The following MUC3A variants were observed in gnomAD, a reference collection of about 807,000 sequenced individuals.
MUC3A encodes mucin 3A, cell surface associated, also known as mucin-3A.
A neutral mutation model predicts 109.0 loss-of-function variants in MUC3A; 109 were observed. The observed-to-expected ratio is 1.00, with a 90% CI of 0.86 to 1.17. The LOEUF is 1.17. Among genes scored for constraint, MUC3A ranks in the 50% most tolerant of loss-of-function variants. MUC3A has a pLI of 0.00. For synonymous variants in MUC3A, 1,398 were observed against 981.4 expected (o/e 1.42, Z -7.93); for missense variants, 3,537 against 2,469.4 (o/e 1.43, Z -9.16).
Position 100,966,730 on chromosome 7 carries a change from G to A in MUC3A, c.9864G>A (p.Glu3288=), listed in dbSNP as rs587613170. 15 of 1,598,542 alleles carry A rather than the reference G, an allele frequency of 9.4e-6. No individual in the cohort carries two copies. Among genetic ancestry groups the A allele is most frequent in the East Asian group, 2.2e-5 (1 of 44,890 alleles). Residue 3288 remains glutamate, a synonymous_variant, in exon 10 of 12, where the codon GAG becomes GAA. Transcript: ENST00000379458. The stretch of plus-strand genomic sequence containing the variant: ...GCACTTTTTCAAACTGGGGTTTCGA[G>A]GACGACGGAACAGGTGAGTCCTGCC... ...VVGTFSNWGF[E]DDGTDKDTNF... is the part of the protein sequence containing the mutation.
chr7:100,952,935 A>G lies in MUC3A; in HGVS notation c.1156A>G (p.Asn386Asp). 1 of 1,593,586 alleles carries G rather than the reference A, an allele frequency of 6.3e-7. No homozygotes were observed. Among genetic ancestry groups the G allele is most frequent in the Non-Finnish European group, 8.5e-7 (1 of 1,177,530 alleles). ...TTETATTPMT[N>D]LVTTTTEISS... ...AGAAACAGCCACGACTCCTATGACAAACTTGGTAACCACCACCACTGAGAT... is the reference window on the plus strand; with the variant it reads ...AGAAACAGCCACGACTCCTATGACAGACTTGGTAACCACCACCACTGAGAT... Residue 386 changes from asparagine to aspartate, a missense_variant, in exon 2 of 12, where the codon AAC becomes GAC. Physicochemically the swap from Asn to Asp is conservative, Grantham distance 23 (BLOSUM62 1). Transcript: ENST00000379458.
chr7:100,965,637 G>T (rs74929976), intron 7 of MUC3A, 67 bp from the exon 8 acceptor site: 1 of 1,533,758 alleles, frequency 6.5e-7, no homozygotes, highest in African/African-American at 1.4e-5. Context: ...CAGAGGCACC[G>T]TTATCAGGCC....
At position 100,952,744 on chromosome 7, in the gene MUC3A, C is replaced by G; in HGVS notation, c.965C>G (p.Pro322Arg). 6.3e-7 allele frequency: 1 copy of G among 1,583,794 alleles called. No individual in the cohort carries two copies. The highest frequency in any genetic ancestry group is 8.5e-7 in the Non-Finnish European group (1 of 1,172,566). The change falls in exon 2 of 12, where the codon CCC becomes CGC. Residue 322 changes from proline (P) to arginine (R), a missense_variant. Physicochemically the swap from Pro to Arg is moderately radical, Grantham distance 103. Transcript: ENST00000379458. ...CTATCCACCTTGGTGACCACACTCC[C>G]CACTACCATCAGCAGGTCTACACCT... ...TPLSTLVTTL[P>R]TTISRSTPTS...
At chr7:100,962,227 G>A (rs1405131065) in intron 3 of MUC3A, among the ~76,000 whole-genome samples, 1 of 3,832 alleles carries the variant, frequency 2.6e-4, no homozygotes, top group Non-Finnish European at 5.4e-4. Context: ...GCGAGACTCC[G>A]TCTCAAAAAA....
rs1420223901 is a variant in MUC3A at position 100,967,462 on chromosome 7, G to A, written c.*300G>A. 5.2e-6 allele frequency: 3 copies of A among 577,866 alleles called. No individual in the cohort carries two copies. Among genetic ancestry groups the A allele is most frequent in the Non-Finnish European group, 9.2e-6 (3 of 325,650 alleles). The allele number at this position is 577,866 out of a possible 1,614,324, so 35.8% of individuals were successfully genotyped here. On this transcript the variant is annotated 3_prime_UTR_variant, in exon 12 of 12. Transcript: ENST00000379458. ...TTCCTGTATGATAGCTCACGCCGTT[G>A]TTGTGAAAACCACATAGACTTGGTC...
In MUC3A at chr7:100,960,217, T is replaced by C. The variant is rs1184013521; in HGVS notation, c.8438T>C (p.Val2813Ala). The change falls in exon 2 of 12, where the codon GTC (valine) becomes GCC (alanine). Residue 2813 changes from valine to alanine, a missense_variant. Physicochemically the swap from Val to Ala is moderately conservative, Grantham distance 64. Coordinates refer to ENST00000379458, the MANE Select transcript of MUC3A (RefSeq NM_005960.2). ...LTVFPFTTEMVTCPTSISIQT... is the reference protein window; with the variant it reads ...LTVFPFTTEMATCPTSISIQT... ...GTCTTTCCCTTTACTACCGAAATGG[T>C]CACCTGTCCTACCTCCATCAGTATC... The C allele has an allele frequency of 1.9e-6, 3 of 1,596,348 alleles. No homozygotes were observed. Among genetic ancestry groups the C allele is most frequent in the Admixed American group, 1.7e-5 (1 of 59,974 alleles).
At position 100,966,086 on chromosome 7, in the gene MUC3A, AG is replaced by A. The variant is rs1584813360; in HGVS notation, c.9611+221del. The stretch of plus-strand genomic sequence containing the variant: ...GAGTCCTGTCCCCTAATTCTGGGAG[AG>A]AACCCCGCCCACTCATTCTAGGGTG... On this transcript the variant is annotated intron_variant, in intron 8 of 11. Transcript: ENST00000379458. 3 of 449,866 alleles carry A rather than the reference AG, an allele frequency of 6.7e-6. No individual in the cohort carries two copies. In the East Asian group the frequency reaches 1.2e-4, roughly 18 times the overall value. The allele number at this position is 449,866 out of a possible 1,614,324, so 27.9% of individuals were successfully genotyped here. A position where few individuals can be genotyped will look rare whatever the true frequency, so the allele number is the denominator to read the frequency against.
chr7:100,962,498 A>G (rs143840653), intron 3 of MUC3A, among the ~76,000 whole-genome samples: 2,550 of 147,988 alleles, frequency 0.017, no homozygotes, highest in Middle Eastern at 0.04. Flanking sequence ...AGTATAGCAT[A>G]GTCACAGTTC....
In MUC3A at chr7:100,959,313, A is replaced by T; in HGVS notation, c.7534A>T (p.Ile2512Leu). 1 of 1,571,022 alleles carries T rather than the reference A, an allele frequency of 6.4e-7. No individual in the cohort carries two copies. The highest frequency in any genetic ancestry group is 8.6e-7 in the Non-Finnish European group (1 of 1,165,892). ...GACTACAACCACAGACTTTCCCTCT[A>T]TACCCACTGATATCAGTACCTTACC... ...SLTTTTDFPS[I>L]PTDISTLPTR... Residue 2512 changes from isoleucine to leucine, a missense_variant, in exon 2 of 12, where the codon ATA becomes TTA. Physicochemically the swap from Ile to Leu is conservative, Grantham distance 5. Transcript: ENST00000379458.
At chr7:100,964,057 G>A (rs1393095786) in intron 5 of MUC3A, 9 of 568,170 alleles carry the variant, frequency 1.6e-5, no homozygotes, top group Non-Finnish European at 2.5e-5. Context: ...GAGTGGGTCA[G>A]CATTAGAAAG....
rs117926993 is a variant in MUC3A at position 100,967,012 on chromosome 7, C to T, written c.9930+61C>T. ...CCCAGCCTCCATTCCAGAATCCCTC[C>T]CCGACCCCCACCAGGGCAGGGAGGG... On this transcript the variant is annotated intron_variant, in intron 11 of 11. Transcript: ENST00000379458. 3.5e-4 allele frequency: 556 copies of T among 1,598,374 alleles called. No homozygotes were observed. The East Asian group carries it at 0.012, about 33-fold the overall frequency.
chr7:100,964,563 C>G, intron 5 of MUC3A, 132 bp from the exon 6 acceptor site: 1 of 1,395,912 alleles, frequency 7.2e-7, no homozygotes. Flanking sequence ...GAAAAGGATG[C>G]ACGTGGCATC....
rs1303909104 is a variant in MUC3A, at chr7:100,956,282, G to A, written c.4503G>A (p.Leu1501=). The stretch of plus-strand genomic sequence containing the variant: ...CCTCTCTTCCACCCACCTCTTCCTT[G>A]GTCTCAACCGCAGAAACAGCCAAAA... ...TATSLPPTSS[L]VSTAETAKTP... The change falls in exon 2 of 12, where the codon TTG becomes TTA. Residue 1501 remains leucine (L), a synonymous_variant. Transcript: ENST00000379458. 9.0e-6 allele frequency: 5 copies of A among 554,366 alleles called. No homozygotes were observed. Among genetic ancestry groups the A allele is most frequent in the Non-Finnish European group, 1.6e-5 (5 of 313,442 alleles). The allele number at this position is 554,366 out of a possible 1,614,324, so 34.3% of individuals were successfully genotyped here. A position where few individuals can be genotyped will look rare whatever the true frequency, so the allele number is the denominator to read the frequency against.
chr7:100,952,394 C>G lies in MUC3A; in HGVS notation c.615C>G (p.Pro205=), dbSNP rs750500179. The change falls in exon 2 of 12, where the codon CCC becomes CCG. Residue 205 remains proline, a synonymous_variant. Coordinates refer to ENST00000379458, the MANE Select transcript of MUC3A (RefSeq NM_005960.2). ...ARETPIVTVT[P]SSVSATDTTF... is the part of the protein sequence containing the mutation. ...AAACTCCCATAGTGACAGTGACACC[C>G]TCCTCTGTGTCAGCCACAGACACAA... is the stretch of plus-strand genomic sequence containing the variant. 6.3e-7 allele frequency: 1 copy of G among 1,598,544 alleles called. No individual in the cohort carries two copies.
In MUC3A at chr7:100,957,890, C is replaced by G. The variant is rs1275345122; in HGVS notation, c.6111C>G (p.Ser2037=). The part of the protein sequence containing the change: ...TSSITTTETT[S]HSTPSFTSSI... ...CGATCACAACCACCGAGACCACATC[C>G]CATAGTACTCCCAGCTTCACTTCTT... Residue 2037 remains serine, a synonymous_variant, in exon 2 of 12, where the codon TCC becomes TCG. Transcript: ENST00000379458. 4.9e-6 allele frequency: 1 copy of G among 205,022 alleles called. No homozygotes were observed. Among genetic ancestry groups the G allele is most frequent in the African/African-American group, 1.8e-4 (1 of 5,694 alleles). The allele number at this position is 205,022 out of a possible 1,614,324, so 12.7% of individuals were successfully genotyped here.
rs763027741 is a variant in MUC3A at position 100,965,877 on chromosome 7, G to A, written c.9611+11G>A. On this transcript the variant is annotated intron_variant, in intron 8 of 11. Coordinates refer to ENST00000379458, the MANE Select transcript of MUC3A (RefSeq NM_005960.2). ...CGGTCCCACGTGTCGGTAAGGCCCC[G>A]CTCACCATCGGCATCAGCCGAGCCC... 1.9e-6 allele frequency: 3 copies of A among 1,587,284 alleles called. No individual in the cohort carries two copies. Among genetic ancestry groups the A allele is most frequent in the Non-Finnish European group, 2.6e-6 (3 of 1,172,678 alleles).
chr7:100,965,689 C>A lies in MUC3A; in HGVS notation c.9449-15C>A. Reference sequence around the variant, plus strand: ...GAGGTCCTTGTCTCTGTGCATCCCCCTCCCCAACCCCCAGCCATCTGCCGC... The same window carrying A: ...GAGGTCCTTGTCTCTGTGCATCCCCATCCCCAACCCCCAGCCATCTGCCGC... On this transcript the variant is annotated splice_polypyrimidine_tract_variant and intron_variant, in intron 7 of 11. Transcript: ENST00000379458. 1 of 1,593,926 alleles carries A rather than the reference C, an allele frequency of 6.3e-7. No homozygotes were observed. Among genetic ancestry groups the A allele is most frequent in the Non-Finnish European group, 8.5e-7 (1 of 1,177,074 alleles).
rs749440841 is a variant in MUC3A at position 100,960,279 on chromosome 7, A to G, written c.8500A>G (p.Met2834Val). The change falls in exon 2 of 12, where the codon ATG (methionine) becomes GTG (valine). Residue 2834 changes from methionine to valine, a missense_variant. Met to Val is a conservative substitution (Grantham distance 21). Transcript: ENST00000379458. ...TLTTYMDTSS[M>V]MPESESSISP... ...TACTACATATATGGACACTTCTTCCATGATGCCAGAAAGTGAGTCCAGCAT... is the reference window on the plus strand; with the variant it reads ...TACTACATATATGGACACTTCTTCCGTGATGCCAGAAAGTGAGTCCAGCAT... The G allele has an allele frequency of 5.3e-5, 85 of 1,598,154 alleles. No homozygotes were observed. The highest frequency in any genetic ancestry group is 1.8e-4 in the East Asian group (8 of 44,896).
chr7:100,958,635 A>T lies in MUC3A; in HGVS notation c.6856A>T (p.Ser2286Cys). ...SITTSETPSH[S>C]TPSSTSLITT... ...CACCACCAGTGAGACCCCCTCACAC[A>T]GTACTCCCAGCTCCACTTCTTTAAT... is the stretch of plus-strand genomic sequence containing the variant. Residue 2286 changes from serine (S) to cysteine (C), a missense_variant, in exon 2 of 12, where the codon AGT (serine) becomes TGT (cysteine). Physicochemically the swap from Ser to Cys is moderately radical, Grantham distance 112. Coordinates refer to ENST00000379458, the MANE Select transcript of MUC3A (RefSeq NM_005960.2). 6.8e-7 allele frequency: 1 copy of T among 1,464,386 alleles called. No individual in the cohort carries two copies. The highest frequency in any genetic ancestry group is 1.1e-5 in the South Asian group (1 of 87,512). 90.7% of individuals were successfully genotyped at this position (1,464,386 alleles called of 1,614,324 possible). A position where few individuals can be genotyped will look rare whatever the true frequency, so the allele number is the denominator to read the frequency against.
Sources: gnomAD v4.1 joint callset for allele counts (sites outside exome capture counted in the v4.1 genomes callset) on GRCh38, gnomAD v4.1.1 for gene constraint, MANE v1.5 for transcripts, NCBI Gene and HGNC (gene_info 2026-07-23, HGNC 2026-07-21) for gene names.